Variants in NBAS observed in about 807,000 individuals in gnomAD.
NBAS encodes NAG/BC035112 fusion.
In NBAS, 219 loss-of-function variants were observed where a neutral mutation model predicts 302.5. The ratio of observed to expected loss-of-function variants is 0.72; its 90% confidence interval spans 0.65 to 0.81. The LOEUF is 0.81. Among genes scored for constraint, NBAS ranks in the 30% least tolerant of loss-of-function variants. The pLI, the probability that NBAS is intolerant of heterozygous loss-of-function variation, is 0.00. For missense variants in NBAS, 2,932 were observed against 2,841.6 expected, an observed-to-expected ratio of 1.03 and a Z score of -0.72; for synonymous variants, 1,118 against 1,021.6, an observed-to-expected ratio of 1.09 and a Z score of -1.80.
the NBAS span, among the ~76,000 whole-genome samples, chr2:14,904,115 T>C: frequency 1.3e-5 from 2 of 152,228 alleles, no homozygotes; most frequent in Middle Eastern, 3.2e-3. Flanking sequence ...CCACCAGCTC[T>C]AAGAGGGCAA....
At chr2:15,384,265 T>C (rs1225391124) in intron 28 of NBAS, among the ~76,000 whole-genome samples, 5 of 152,212 alleles carry the variant, frequency 3.3e-5, no homozygotes, top group South Asian at 2.1e-4. Context: ...AATTCACCCA[T>C]AGTCACAAAT....
intron 51 of NBAS, among the ~76,000 whole-genome samples, chr2:15,169,214 A>C (rs976964478): frequency 2.6e-5 from 4 of 152,170 alleles, no homozygotes; most frequent in African/African-American, 9.7e-5. Flanking sequence ...GAACACTTGT[A>C]CAGCCCACCT....
Position 15,255,238 on chromosome 2 carries a change from G to T in NBAS, c.5725-16552C>A, listed in dbSNP as rs370948257. Among the ~76,000 whole-genome samples, 12 of 152,088 alleles carry T rather than the reference G, an allele frequency of 7.9e-5. No homozygotes were observed. The East Asian group carries it at 1.2e-3, about 15-fold the overall frequency. On this transcript the variant is annotated intron_variant, in intron 44 of 51. Transcript: ENST00000281513. ...TCTATAACAACATCTATTATTTTTT[G>T]ATTTTTAAATTATGGCCATTTTTGC...
intron 21 of NBAS, among the ~76,000 whole-genome samples, chr2:15,436,878 A>G (rs1206266156): frequency 1.3e-5 from 2 of 152,210 alleles, no homozygotes; most frequent in Non-Finnish European, 2.9e-5. Context: ...GCATTTATTT[A>G]AAACTTACTA....
At chr2:15,216,192 A>C (rs1256370342) in intron 48 of NBAS, among the ~76,000 whole-genome samples, 1 of 152,246 alleles carries the variant, frequency 6.6e-6, no homozygotes, top group African/African-American at 2.4e-5. Context: ...TAGCATCATT[A>C]AGCCAGTGTG....
chr2:15,034,059 A>G, the NBAS span, among the ~76,000 whole-genome samples: 1 of 89,372 alleles, frequency 1.1e-5, no homozygotes, highest in African/African-American at 5.2e-5. Flanking sequence ...GAGGAGGAGG[A>G]GGAGGGGAAG....
the NBAS span, among the ~76,000 whole-genome samples, chr2:14,953,149 G>A: frequency 9.2e-5 from 14 of 152,228 alleles, no homozygotes; most frequent in Admixed American, 9.2e-4. Context: ...GGAGCTGTGA[G>A]ATGGAGCTGG....
intron 23 of NBAS, among the ~76,000 whole-genome samples, chr2:15,421,774 T>G (rs1239349278): frequency 3.3e-5 from 5 of 152,306 alleles, no homozygotes; most frequent in South Asian, 2.1e-4. Flanking sequence ...ATTGCTAGGT[T>G]ATTTACAAAT....
intron 6 of NBAS, among the ~76,000 whole-genome samples, chr2:15,545,479 G>C (rs1168989365): frequency 6.6e-6 from 1 of 152,114 alleles, no homozygotes; most frequent in Non-Finnish European, 1.5e-5. Flanking sequence ...CGATACAGGG[G>C]ACGTCAGTAC....
chr2:15,365,771 A>T (rs1417732127), intron 32 of NBAS, among the ~76,000 whole-genome samples: 1 of 152,228 alleles, frequency 6.6e-6, no homozygotes, highest in Non-Finnish European at 1.5e-5. Flanking sequence ...AGTCCATTAA[A>T]TATGTTACAT....
chr2:14,957,497 T>C, the NBAS span, among the ~76,000 whole-genome samples: 5 of 152,188 alleles, frequency 3.3e-5, no homozygotes, highest in Admixed American at 2.0e-4. Flanking sequence ...AAAGATCAGT[T>C]TGAGGGTGAA....
chr2:14,952,998 G>C, the NBAS span, among the ~76,000 whole-genome samples: 4 of 152,196 alleles, frequency 2.6e-5, no homozygotes, highest in Admixed American at 1.3e-4. Context: ...TGGAGAGGTA[G>C]CAGTTCACCA....
At chr2:15,051,983 T>C in the NBAS span, among the ~76,000 whole-genome samples, 2 of 152,178 alleles carry the variant, frequency 1.3e-5, no homozygotes, top group African/African-American at 4.8e-5. Flanking sequence ...CTCTCTTCCT[T>C]CTATGCTGCC....
At chr2:14,966,809 T>G in the NBAS span, among the ~76,000 whole-genome samples, 1 of 151,364 alleles carries the variant, frequency 6.6e-6, no homozygotes, top group South Asian at 2.1e-4. Context: ...GGGCAATAAC[T>G]TAAGAAAAAG....
chr2:15,477,120 T>A (rs1049578764), intron 13 of NBAS, among the ~76,000 whole-genome samples: 9 of 152,198 alleles, frequency 5.9e-5, no homozygotes, highest in East Asian at 5.8e-4. Flanking sequence ...AAATTCTAAT[T>A]TCTGCTTTGA....
downstream of NBAS, among the ~76,000 whole-genome samples, chr2:15,166,485 CCGG>C (rs1283308963): frequency 1.3e-5 from 2 of 152,156 alleles, no homozygotes; most frequent in Non-Finnish European, 2.9e-5. Flanking sequence ...TTCTTCAGCT[CCGG>C]CTGTGTATCT....
intron 39 of NBAS, 50 bp from the exon 40 acceptor site, chr2:15,308,403 A>G (rs1671126998): frequency 6.3e-7 from 1 of 1,593,324 alleles, no homozygotes; most frequent in South Asian, 1.1e-5. Flanking sequence ...AATTATGAAG[A>G]TCATTATAAA....
the NBAS span, among the ~76,000 whole-genome samples, chr2:14,865,636 ATTGTT>A: frequency 2.0e-5 from 3 of 152,304 alleles, no homozygotes; most frequent in South Asian, 4.1e-4. Context: ...TTAATCTAAT[ATTGTT>A]TTGTTTTGTT....
At chr2:14,785,716 G>C in the NBAS span, among the ~76,000 whole-genome samples, 1 of 152,168 alleles carries the variant, frequency 6.6e-6, no homozygotes, top group Non-Finnish European at 1.5e-5. Flanking sequence ...GCCGGATTCA[G>C]TTTGCCAGTA....
Sources: gnomAD v4.1 joint callset for allele counts (sites outside exome capture counted in the v4.1 genomes callset) on GRCh38, gnomAD v4.1.1 for gene constraint, MANE v1.5 for transcripts, NCBI Gene and HGNC (gene_info 2026-07-23, HGNC 2026-07-21) for gene names.